MIPOL1: variants seen among roughly 807,000 people sequenced by gnomAD.
MIPOL1 encodes mirror-image polydactyly 1, also known as mirror-image polydactyly gene 1 protein.
A neutral mutation model predicts 60.9 loss-of-function variants in MIPOL1; 57 were observed. That is an observed-to-expected ratio of 0.94 (90% CI 0.76 to 1.17). The LOEUF is 1.17. MIPOL1 is among the 50% of genes most tolerant of loss of function. The pLI is 0.00. For synonymous variants in MIPOL1, 179 were observed against 168.8 expected, an observed-to-expected ratio of 1.06 and a Z score of -0.47; for missense variants, 551 against 511.6, an observed-to-expected ratio of 1.08 and a Z score of -0.74.
At chr14:37,509,380 G>A (rs540966023) in intron 12 of MIPOL1, among the ~76,000 whole-genome samples, 4 of 151,794 alleles carry the variant, frequency 2.6e-5, no homozygotes, top group African/African-American at 9.7e-5. Context: ...AGAGTGGTAT[G>A]TATATATCAC....
chr14:37,275,246 A>G (rs993816777), intron 6 of MIPOL1, among the ~76,000 whole-genome samples: 2 of 151,182 alleles, frequency 1.3e-5, no homozygotes, highest in South Asian at 2.1e-4. Flanking sequence ...AAGACTTTTT[A>G]CTGAGTTTTA....
chr14:37,400,204 G>A (rs188608295), intron 10 of MIPOL1: 10 of 152,168 alleles, frequency 6.6e-5, no homozygotes, highest in African/African-American at 2.4e-4. Flanking sequence ...AAAGAAGATT[G>A]CAGGGGGCCC....
At chr14:37,432,120 G>A (rs1275896142) in intron 11 of MIPOL1, among the ~76,000 whole-genome samples, 1 of 152,040 alleles carries the variant, frequency 6.6e-6, no homozygotes, top group Admixed American at 6.6e-5. Flanking sequence ...CTCCATCTCT[G>A]CCTATCCCAT....
chr14:37,227,568 A>G (rs770846323), intron 1 of MIPOL1, among the ~76,000 whole-genome samples: 33 of 152,182 alleles, frequency 2.2e-4, no homozygotes, highest in Non-Finnish European at 4.4e-4. Context: ...CAGGCACCAC[A>G]GAATCACTGT....
chr14:37,394,057 C>CGCATATATATATATATATAT (rs1555329416), intron 10 of MIPOL1, among the ~76,000 whole-genome samples: 1 of 73,310 alleles, frequency 1.4e-5, no homozygotes, highest in African/African-American at 4.8e-5. Context: ...TTAGTAGTGG[C>CGCATATATATATATATATAT]ATATATATAT....
At chr14:37,250,275 C>T (rs996789735) in intron 3 of MIPOL1, among the ~76,000 whole-genome samples, 2 of 152,068 alleles carry the variant, frequency 1.3e-5, no homozygotes, top group African/African-American at 4.8e-5. Flanking sequence ...AGGTCAGATG[C>T]GGTGGCTTAT....
chr14:37,552,269 T>C (rs1437929127), downstream of MIPOL1: 2 of 152,232 alleles, frequency 1.3e-5, no homozygotes, highest in Non-Finnish European at 2.9e-5. Context: ...CTTCTACATA[T>C]GCACATAATT....
chr14:37,383,574 T>A (rs2092985915), intron 10 of MIPOL1, among the ~76,000 whole-genome samples: 1 of 151,902 alleles, frequency 6.6e-6, no homozygotes, highest in Non-Finnish European at 1.5e-5. Context: ...ATTTTCATAC[T>A]GTAATAGTTG....
intron 11 of MIPOL1, among the ~76,000 whole-genome samples, chr14:37,445,332 A>G (rs1237652324): frequency 6.6e-6 from 1 of 152,224 alleles, no homozygotes; most frequent in Non-Finnish European, 1.5e-5. Flanking sequence ...ATTGCTTCAA[A>G]GAGAATAAAA....
chr14:37,528,261 T>C (rs1198733566), intron 12 of MIPOL1, among the ~76,000 whole-genome samples: 1 of 152,042 alleles, frequency 6.6e-6, no homozygotes, highest in East Asian at 1.9e-4. Context: ...ATGAAAAACT[T>C]CCTATGTTAT....
chr14:37,517,241 C>T (rs2095376599), intron 12 of MIPOL1, among the ~76,000 whole-genome samples: 1 of 152,052 alleles, frequency 6.6e-6, no homozygotes, highest in Admixed American at 6.6e-5. Flanking sequence ...GTATAATGTG[C>T]TCTGTAAACA....
intron 10 of MIPOL1, among the ~76,000 whole-genome samples, chr14:37,376,779 C>G (rs534986634): frequency 3.9e-5 from 6 of 152,206 alleles, no homozygotes; most frequent in African/African-American, 1.4e-4. Context: ...CAGGTGTTTT[C>G]AGCTCATTTG....
At chr14:37,351,287 T>G (rs1448567579) in intron 9 of MIPOL1, among the ~76,000 whole-genome samples, 4 of 145,076 alleles carry the variant, frequency 2.8e-5, no homozygotes, top group Admixed American at 7.0e-5. Flanking sequence ...ATGTGCCACA[T>G]TTTCTTAATC....
intron 9 of MIPOL1, among the ~76,000 whole-genome samples, chr14:37,364,025 C>T (rs1227094673): frequency 6.6e-6 from 1 of 152,180 alleles, no homozygotes; most frequent in Admixed American, 6.5e-5. Flanking sequence ...CCCATTTTTC[C>T]AGGTACAGTC....
chr14:37,231,676 A>G (rs1194085139), intron 1 of MIPOL1, among the ~76,000 whole-genome samples: 1 of 152,192 alleles, frequency 6.6e-6, no homozygotes, highest in Non-Finnish European at 1.5e-5. Flanking sequence ...TGGAAATTTC[A>G]TTATAAAAAG....
intron 1 of MIPOL1, among the ~76,000 whole-genome samples, chr14:37,211,947 A>G (rs1223765404): frequency 1.3e-5 from 2 of 152,030 alleles, no homozygotes; most frequent in Non-Finnish European, 2.9e-5. Flanking sequence ...CCCAGATGAC[A>G]TTTGTAAACA....
At chr14:37,540,233 C>G (rs1170944712) in intron 12 of MIPOL1, among the ~76,000 whole-genome samples, 1 of 152,182 alleles carries the variant, frequency 6.6e-6, no homozygotes, top group African/African-American at 2.4e-5. Flanking sequence ...CTTTTCAACC[C>G]ATTTTCCCAT....
intron 11 of MIPOL1, among the ~76,000 whole-genome samples, chr14:37,471,086 A>C (rs2094682971): frequency 6.6e-6 from 1 of 152,198 alleles, no homozygotes; most frequent in African/African-American, 2.4e-5. Context: ...GTACTCACTG[A>C]ATCTATACAA....
At chr14:37,483,114 CTT>C (rs35311326) in intron 11 of MIPOL1, among the ~76,000 whole-genome samples, 7 of 140,790 alleles carry the variant, frequency 5.0e-5, no homozygotes, top group Non-Finnish European at 9.2e-5. Context: ...TAGACACAAC[CTT>C]TTTTTTTTTT....
Sources: gnomAD v4.1 joint callset for allele counts (sites outside exome capture counted in the v4.1 genomes callset) on GRCh38, gnomAD v4.1.1 for gene constraint, MANE v1.5 for transcripts, NCBI Gene and HGNC (gene_info 2026-07-23, HGNC 2026-07-21) for gene names.